CFAP299: variants seen among roughly 807,000 people sequenced by gnomAD.
CFAP299 encodes the protein cilia- and flagella-associated protein 299.
CFAP299 carries 21 observed loss-of-function variants against 27.0 expected under a neutral mutation model. The ratio of observed to expected loss-of-function variants is 0.78; its 90% confidence interval spans 0.55 to 1.12. The LOEUF (loss-of-function observed/expected upper bound fraction) is 1.12. Ranked by LOEUF, CFAP299 falls within the 50% of genes most tolerant of loss-of-function variation. The pLI is 0.00. For synonymous variants in CFAP299, 104 were observed against 98.1 expected (o/e 1.06, Z -0.36); for missense variants, 310 against 276.6 (o/e 1.12, Z -0.86).
intron 3 of CFAP299, among the ~76,000 whole-genome samples, chr4:80,813,045 C>G (rs1196413265): frequency 6.6e-6 from 1 of 152,010 alleles, no homozygotes; most frequent in Non-Finnish European, 1.5e-5. Context: ...TGCTTTAAAA[C>G]TTGAAAATAT....
At position 80,713,776 on chromosome 4, in the gene CFAP299, CTT is replaced by C. The variant is rs1406097877; in HGVS notation, c.333+130595_333+130596del. On this transcript the variant is annotated intron_variant, in intron 3 of 5. Coordinates refer to ENST00000358105, the MANE Select transcript of CFAP299 (RefSeq NM_152770.3). ...GCAACCAAGCTTATTTAATTTGTAA[CTT>C]TACATTTACACAAAATAATAAAGTA... Among the ~76,000 whole-genome samples the C allele has an allele frequency of 3.9e-5, 6 of 152,316 alleles. No homozygotes were observed. The East Asian group carries it at 1.2e-3, about 29-fold the overall frequency.
chr4:80,326,395 A>G, the CFAP299 span, among the ~76,000 whole-genome samples: 1 of 152,242 alleles, frequency 6.6e-6, no homozygotes, highest in African/African-American at 2.4e-5. Flanking sequence ...GCTGGGAAGT[A>G]TATACATATT....
At chr4:80,945,941 G>C (rs1337242647) in intron 5 of CFAP299, among the ~76,000 whole-genome samples, 2 of 151,786 alleles carry the variant, frequency 1.3e-5, no homozygotes, top group African/African-American at 2.4e-5. Flanking sequence ...ATCACCTGAG[G>C]TCAGGAGTTT....
intron 2 of CFAP299, among the ~76,000 whole-genome samples, chr4:80,509,416 A>G (rs1732190220): frequency 6.6e-6 from 1 of 152,214 alleles, no homozygotes; most frequent in Admixed American, 6.5e-5. Flanking sequence ...ATGTGGGCCC[A>G]AAGTGAAAGC....
rs540624419 is a variant in CFAP299 at position 80,516,430 on chromosome 4, G to C, written c.243-66663G>C. ...CTATACAAGGATGGCTCAAGCATCT[G>C]CTTCTGGTGACAGCCTCAGGAAGTT... On this transcript the variant is annotated intron_variant, in intron 2 of 5. Coordinates refer to ENST00000358105, the MANE Select transcript of CFAP299 (RefSeq NM_152770.3). Among the ~76,000 whole-genome samples the C allele has an allele frequency of 6.5e-4, 99 of 152,256 alleles. 1 individual carries two copies. Among genetic ancestry groups the C allele is most frequent in the African/African-American group, 2.2e-3 (92 of 41,556 alleles).
At chr4:80,948,596 C>T (rs948556306) in intron 5 of CFAP299, among the ~76,000 whole-genome samples, 2 of 151,744 alleles carry the variant, frequency 1.3e-5, no homozygotes, top group African/African-American at 2.4e-5. Context: ...TTGAGTCTTA[C>T]CATAGCATAA....
intron 4 of CFAP299, among the ~76,000 whole-genome samples, chr4:80,923,073 C>A (rs1413635051): frequency 2.0e-5 from 3 of 151,952 alleles, no homozygotes; most frequent in African/African-American, 7.2e-5. Context: ...AAAATGTTTA[C>A]ATTTAGATAA....
chr4:80,842,928 A>C (rs1364350534), intron 3 of CFAP299, among the ~76,000 whole-genome samples: 1 of 152,112 alleles, frequency 6.6e-6, no homozygotes, highest in Non-Finnish European at 1.5e-5. Context: ...ATGCCAATGT[A>C]CTGCCTGAAA....
At chr4:80,550,063 C>A (rs1001177757) in intron 2 of CFAP299, among the ~76,000 whole-genome samples, 121 of 151,850 alleles carry the variant, frequency 8.0e-4, no homozygotes, top group African/African-American at 2.8e-3. Context: ...CCCAAAATAT[C>A]TTTGTACTTC....
chr4:80,763,284 A>C (rs566049660), intron 3 of CFAP299, among the ~76,000 whole-genome samples: 1 of 152,318 alleles, frequency 6.6e-6, no homozygotes, highest in South Asian at 2.1e-4. Context: ...ATATGCAAAA[A>C]TCACAAGCAT....
intron 3 of CFAP299, among the ~76,000 whole-genome samples, chr4:80,833,306 G>T (rs1730395147): frequency 6.6e-6 from 1 of 152,016 alleles, no homozygotes; most frequent in Non-Finnish European, 1.5e-5. Flanking sequence ...AATACTGATA[G>T]TTCACATGAA....
At chr4:80,723,170 G>C (rs979787565) in intron 3 of CFAP299, among the ~76,000 whole-genome samples, 1 of 151,796 alleles carries the variant, frequency 6.6e-6, no homozygotes, top group Non-Finnish European at 1.5e-5. Flanking sequence ...TGGTACCATC[G>C]CTTAGGTGAA....
At chr4:80,882,731 G>GT (rs1401473748) in intron 4 of CFAP299, among the ~76,000 whole-genome samples, 1 of 151,722 alleles carries the variant, frequency 6.6e-6, no homozygotes, top group African/African-American at 2.4e-5. Context: ...CCTCTCAGCA[G>GT]AAACTTTGTA....
At chr4:80,665,166 T>C in intron 3 of CFAP299, among the ~76,000 whole-genome samples, 1 of 152,228 alleles carries the variant, frequency 6.6e-6, no homozygotes, top group East Asian at 1.9e-4. Flanking sequence ...CGGAGCTGTT[T>C]CTATTTGGCC....
At chr4:80,712,009 T>C (rs1722203304) in intron 3 of CFAP299, among the ~76,000 whole-genome samples, 1 of 152,190 alleles carries the variant, frequency 6.6e-6, no homozygotes, top group Non-Finnish European at 1.5e-5. Flanking sequence ...TACTTTCTAA[T>C]GTTAGCTGCT....
At chr4:80,530,692 G>A (rs1400307338) in intron 2 of CFAP299, among the ~76,000 whole-genome samples, 1 of 152,246 alleles carries the variant, frequency 6.6e-6, no homozygotes, top group Admixed American at 6.5e-5. Context: ...GAGAAGAGGG[G>A]GTATGCTGTC....
At chr4:80,387,065 G>A in intron 2 of CFAP299, 2 of 1,429,034 alleles carry the variant, frequency 1.4e-6, no homozygotes, top group Non-Finnish European at 2.0e-6. Context: ...GTGGGCAGGG[G>A]AAGTTGTGAG....
intron 3 of CFAP299, among the ~76,000 whole-genome samples, chr4:80,800,353 TA>T (rs1296133950): frequency 4.6e-5 from 3 of 64,556 alleles, no homozygotes; most frequent in African/African-American, 2.2e-4. Flanking sequence ...ATATAATATA[TA>T]TGATATATTA....
chr4:80,417,505 G>T lies in CFAP299; in HGVS notation c.242+54621G>T, dbSNP rs111644070. Among the ~76,000 whole-genome samples the T allele has an allele frequency of 7.4e-3, 1,129 of 152,228 alleles. 12 individuals carry two copies. Among genetic ancestry groups the T allele is most frequent in the Middle Eastern group, 0.031 (9 of 294 alleles). ...GGATGTGAGGTTAAATAGGAGTCCT[G>T]AGCGTGGTATTGGTAGCTCTTTCCT... is the stretch of plus-strand genomic sequence containing the variant. On this transcript the variant is annotated intron_variant, in intron 2 of 5. Coordinates refer to ENST00000358105, the MANE Select transcript of CFAP299 (RefSeq NM_152770.3).
Sources: gnomAD v4.1 joint callset for allele counts (sites outside exome capture counted in the v4.1 genomes callset) on GRCh38, gnomAD v4.1.1 for gene constraint, MANE v1.5 for transcripts, NCBI Gene and HGNC (gene_info 2026-07-23, HGNC 2026-07-21) for gene names.